The following FAM151B variants were observed in gnomAD, a reference collection of about 807,000 sequenced individuals.
FAM151B encodes the protein protein FAM151B.
A neutral mutation model predicts 31.2 loss-of-function variants in FAM151B; 24 were observed. The observed-to-expected ratio is 0.77, with a 90% CI of 0.56 to 1.08. The LOEUF is 1.08. FAM151B is among the 50% of genes least tolerant of loss of function. The probability of loss-of-function intolerance (pLI) is 0.00; values close to 1 mark genes in which losing one functional copy is unlikely to be tolerated. For synonymous variants in FAM151B, 105 were observed against 111.4 expected (o/e 0.94, Z 0.36); for missense variants, 293 against 328.6 (o/e 0.89, Z 0.84).
intron 5 of FAM151B, among the ~76,000 whole-genome samples, chr5:80,525,563 A>G (rs771311595): frequency 2.6e-5 from 4 of 152,180 alleles, no homozygotes; most frequent in Non-Finnish European, 2.9e-5. Context: ...GTCCAGACTC[A>G]GGAAGGTCTC....
chr5:80,502,595 CA>C (rs1156911670), intron 2 of FAM151B, among the ~76,000 whole-genome samples: 2 of 152,174 alleles, frequency 1.3e-5, no homozygotes, highest in Non-Finnish European at 2.9e-5. Flanking sequence ...AACATTATAG[CA>C]GTGTTTCTCA....
In FAM151B at chr5:80,501,143, A is replaced by T. The variant is rs1461206735; in HGVS notation, c.26-649A>T. On this transcript the variant is annotated intron_variant, in intron 1 of 5. Coordinates refer to ENST00000282226, the MANE Select transcript of FAM151B (RefSeq NM_205548.3). ...ATTCTCCTGTCTCAGCCTCTGGAGT[A>T]ACTGGGATTACAGGCGTGTGCCACC... The T allele has an allele frequency of 1.4e-5, 5 of 362,280 alleles. No individual in the cohort carries two copies. In the Admixed American group the frequency reaches 1.6e-4, roughly 12 times the overall value. The allele number at this position is 362,280 out of a possible 1,614,324, so 22.4% of individuals were successfully genotyped here. A position where few individuals can be genotyped will look rare whatever the true frequency, so the allele number is the denominator to read the frequency against.
chr5:80,521,950 T>G, intron 4 of FAM151B, 53 bp from the exon 5 acceptor site: 1 of 1,350,720 alleles, frequency 7.4e-7, no homozygotes, highest in Non-Finnish European at 1.0e-6. Flanking sequence ...TTTTATTTAA[T>G]TGTCTTTCAA....
rs143552723 is a variant in FAM151B, at chr5:80,500,807, G to A, written c.26-985G>A. 1.8e-3 allele frequency: 2,746 copies of A among 1,494,140 alleles called. 41 individuals are homozygous for A. The African/African-American group carries it at 0.033, about 18-fold the overall frequency. The allele number at this position is 1,494,140 out of a possible 1,614,324, so 92.6% of individuals were successfully genotyped here. A position where few individuals can be genotyped will look rare whatever the true frequency, so the allele number is the denominator to read the frequency against. On this transcript the variant is annotated intron_variant, in intron 1 of 5. Coordinates refer to ENST00000282226, the MANE Select transcript of FAM151B (RefSeq NM_205548.3). ...GAACTAATCTACAAGCGTGGTTATG[G>A]CAAAATCAATAAGAAGCGAATTGCT...
chr5:80,517,889 T>C (rs905572187), intron 3 of FAM151B, among the ~76,000 whole-genome samples: 1 of 151,988 alleles, frequency 6.6e-6, no homozygotes, highest in African/African-American at 2.4e-5. Flanking sequence ...CTGGCCAACA[T>C]GGTGAAACCC....
intron 2 of FAM151B, chr5:80,505,950 AT>A: frequency 3.8e-6 from 1 of 259,774 alleles, no homozygotes; most frequent in Non-Finnish European, 6.4e-6. Flanking sequence ...TAGAGACGAG[AT>A]TTCACCGTGT....
At chr5:80,488,325 C>T (rs1337381692) in intron 1 of FAM151B, among the ~76,000 whole-genome samples, 177 bp downstream of exon 1, 1 of 152,248 alleles carries the variant, frequency 6.6e-6, no homozygotes, top group Non-Finnish European at 1.5e-5. Context: ...CGCCCGCGAT[C>T]GCCTGGCAAG....
chr5:80,490,669 G>C (rs1174340241), intron 1 of FAM151B, among the ~76,000 whole-genome samples: 1 of 152,134 alleles, frequency 6.6e-6, no homozygotes, highest in Non-Finnish European at 1.5e-5. Context: ...ATCCAATATA[G>C]ACCCTCTTAT....
At chr5:80,514,151 C>G (rs1295892760) in intron 3 of FAM151B, among the ~76,000 whole-genome samples, 1 of 152,108 alleles carries the variant, frequency 6.6e-6, no homozygotes, top group African/African-American at 2.4e-5. Flanking sequence ...ATTTAGAATT[C>G]TCCAATAACC....
chr5:80,529,006 A>G (rs944220958), intron 5 of FAM151B, among the ~76,000 whole-genome samples: 2 of 152,164 alleles, frequency 1.3e-5, no homozygotes, highest in African/African-American at 4.8e-5. Flanking sequence ...TCCTCACCAA[A>G]TGTAAAAGAA....
chr5:80,501,542 A>G lies in FAM151B; in HGVS notation c.26-250A>G, dbSNP rs1307439802. The stretch of plus-strand genomic sequence containing the variant: ...TGAGGACTCCAGGTAATAAAATTGT[A>G]CTGTATATAAGGGATTCGTGTTAAA... On this transcript the variant is annotated intron_variant, in intron 1 of 5. Coordinates refer to ENST00000282226, the MANE Select transcript of FAM151B (RefSeq NM_205548.3). The G allele has an allele frequency of 1.9e-5, 8 of 420,300 alleles. No individual in the cohort carries two copies. In the East Asian group the frequency reaches 3.2e-4, roughly 17 times the overall value. 26.0% of individuals were successfully genotyped at this position (420,300 alleles called of 1,614,324 possible). A position where few individuals can be genotyped will look rare whatever the true frequency, so the allele number is the denominator to read the frequency against.
At chr5:80,495,381 A>G (rs942561910) in intron 1 of FAM151B, 1 of 152,210 alleles carries the variant, frequency 6.6e-6, no homozygotes, top group Non-Finnish European at 1.5e-5. Context: ...GCAAAGAGTC[A>G]TCATCCTAGA....
At chr5:80,497,803 GGA>G (rs1743598871) in intron 1 of FAM151B, among the ~76,000 whole-genome samples, 1 of 139,934 alleles carries the variant, frequency 7.1e-6, no homozygotes, top group African/African-American at 2.6e-5. Context: ...TGGGGTAGGG[GGA>G]GGGGGGAGGG....
rs1745916565 is a variant in FAM151B at position 80,541,855 on chromosome 5, CTG to C, written c.*27_*28del. ...TAAGAAGAAGATTCTCAATTATTTCCTGTGTTTTGGTTTCATAATCCTTCTCT... is the reference window on the plus strand; with the variant it reads ...TAAGAAGAAGATTCTCAATTATTTCCTGTTTTGGTTTCATAATCCTTCTCT... On this transcript the variant is annotated 3_prime_UTR_variant, in exon 6 of 6. Transcript: ENST00000282226. 1.9e-6 allele frequency: 3 copies of C among 1,602,050 alleles called. No homozygotes were observed. The highest frequency in any genetic ancestry group is 2.6e-6 in the Non-Finnish European group (3 of 1,174,620).
At chr5:80,532,054 C>T (rs367824770) in intron 5 of FAM151B, among the ~76,000 whole-genome samples, 1 of 151,866 alleles carries the variant, frequency 6.6e-6, no homozygotes, top group South Asian at 2.1e-4. Flanking sequence ...ATACTATGCA[C>T]CCATAAAAAA....
At chr5:80,520,212 T>G (rs1404481095) in intron 4 of FAM151B, among the ~76,000 whole-genome samples, 2 of 152,240 alleles carry the variant, frequency 1.3e-5, no homozygotes, top group African/African-American at 4.8e-5. Flanking sequence ...TAAAGGAAAG[T>G]GGAACACGTC....
Position 80,498,614 on chromosome 5 carries a change from T to G in FAM151B, c.26-3178T>G, listed in dbSNP as rs1265666955. On this transcript the variant is annotated intron_variant, in intron 1 of 5. Transcript: ENST00000282226. ...TGTCAAAGTAGCTTGCCATAAACAC[T>G]CCAGCACCATCTGAATGGCACTCTC... 10 of 846,370 alleles carry G rather than the reference T, an allele frequency of 1.2e-5. No individual in the cohort carries two copies. In the Admixed American group the frequency reaches 1.6e-4, roughly 13 times the overall value. 52.4% of individuals were successfully genotyped at this position (846,370 alleles called of 1,614,324 possible).
In FAM151B at chr5:80,533,282, C is replaced by G. The variant is rs1745331585; in HGVS notation, c.672-8391C>G. ...GTCCCAGCTACTCGGGAGGCTGAGG[C>G]AGGAGAATGGTGTGAACCTGGGAGG... On this transcript the variant is annotated intron_variant, in intron 5 of 5. Coordinates refer to ENST00000282226, the MANE Select transcript of FAM151B (RefSeq NM_205548.3). Among the ~76,000 whole-genome samples, 4 of 151,948 alleles carry G rather than the reference C, an allele frequency of 2.6e-5. No homozygotes were observed. In the South Asian group the frequency reaches 8.3e-4, roughly 32 times the overall value.
chr5:80,506,429 G>A (rs888576912), intron 2 of FAM151B, among the ~76,000 whole-genome samples: 44 of 152,266 alleles, frequency 2.9e-4, no homozygotes, highest in African/African-American at 1.0e-3. Context: ...GCTGCTGATT[G>A]TACCACACTT....
Sources: allele counts gnomAD v4.1 joint callset (sites outside exome capture counted in the v4.1 genomes callset), GRCh38; gene constraint gnomAD v4.1.1; transcripts MANE v1.5; gene names NCBI Gene and HGNC (gene_info 2026-07-23, HGNC 2026-07-21).